Variants in CCDC178 observed in about 807,000 individuals in gnomAD.
CCDC178 encodes coiled-coil domain-containing protein 178.
CCDC178 carries 126 observed loss-of-function variants against 117.4 expected under a neutral mutation model. The ratio of observed to expected loss-of-function variants is 1.07; its 90% CI spans 0.93 to 1.24. The LOEUF is 1.24. Among genes scored for constraint, CCDC178 ranks in the 50% most tolerant of loss-of-function variants. CCDC178 has a pLI of 0.00. For missense variants in CCDC178, 1,030 were observed against 986.9 expected (o/e 1.04, Z -0.59); for synonymous variants, 283 against 313.4 (o/e 0.90, Z 1.02).
intron 21 of CCDC178, among the ~76,000 whole-genome samples, chr18:33,001,618 G>C (rs1044747834): frequency 6.6e-6 from 1 of 152,108 alleles, no homozygotes. Flanking sequence ...AAGTGAGGAA[G>C]AGAAGACCAC....
chr18:33,055,905 G>A (rs73415499), intron 21 of CCDC178, among the ~76,000 whole-genome samples: 5,373 of 151,834 alleles, frequency 0.035, 319 homozygotes, highest in African/African-American at 0.12. Flanking sequence ...CTGGGTTCAA[G>A]TGATTCTCGT....
intron 12 of CCDC178, among the ~76,000 whole-genome samples, chr18:33,274,211 G>A (rs556611182): frequency 6.7e-4 from 102 of 151,792 alleles, no homozygotes; most frequent in Middle Eastern, 3.4e-3. Context: ...CACTAAGGAT[G>A]GCTTTATTTA....
chr18:33,177,178 G>A (rs575875578), intron 20 of CCDC178, among the ~76,000 whole-genome samples: 23 of 152,034 alleles, frequency 1.5e-4, no homozygotes, highest in Middle Eastern at 3.4e-3. Context: ...ACACAGGGAG[G>A]GGAACATCAC....
chr18:33,391,660 A>T (rs181288666), intron 4 of CCDC178, among the ~76,000 whole-genome samples: 1 of 152,298 alleles, frequency 6.6e-6, no homozygotes, highest in African/African-American at 2.4e-5. Context: ...TTTCCAAATA[A>T]CAAATGTGTC....
At chr18:33,371,936 T>A (rs1029913630) in intron 5 of CCDC178, among the ~76,000 whole-genome samples, 1 of 152,044 alleles carries the variant, frequency 6.6e-6, no homozygotes, top group South Asian at 2.1e-4. Context: ...AAGGTTTTGA[T>A]ACACATTTAA....
chr18:33,306,412 TTGTGTGTGTGTGTG>T (rs71159815), intron 11 of CCDC178, among the ~76,000 whole-genome samples: 3 of 126,252 alleles, frequency 2.4e-5, no homozygotes, highest in South Asian at 2.6e-4. Flanking sequence ...TATTGGATCT[TTGTGTGTGTGTGTG>T]TGTGTGTGTG....
chr18:33,165,413 G>C (rs1469903324), intron 20 of CCDC178, among the ~76,000 whole-genome samples: 2 of 152,096 alleles, frequency 1.3e-5, no homozygotes, highest in African/African-American at 4.8e-5. Context: ...GGATTCAGGA[G>C]GATGTGTGTA....
intron 20 of CCDC178, among the ~76,000 whole-genome samples, chr18:33,189,362 C>T (rs1184161352): frequency 1.3e-5 from 2 of 152,070 alleles, no homozygotes; most frequent in Non-Finnish European, 1.5e-5. Flanking sequence ...GAAACAAGAA[C>T]AATTGCAATT....
At chr18:33,027,618 T>A (rs1185660045) in intron 21 of CCDC178, among the ~76,000 whole-genome samples, 2 of 151,714 alleles carry the variant, frequency 1.3e-5, no homozygotes, top group African/African-American at 4.8e-5. Context: ...TAAATTTTAC[T>A]AGAGATTAAC....
rs894777739 is a variant in CCDC178, at chr18:33,405,685, T to C, written c.58+6346A>G. Among the ~76,000 whole-genome samples the C allele has an allele frequency of 1.4e-4, 21 of 152,168 alleles. No individual in the cohort carries two copies. In the East Asian group the frequency reaches 2.3e-3, roughly 17 times the overall value. ...GAAAGAATATATTTCCTGGGATCCC[T>C]TTCTGAATCCACTAGAAAGTAGATG... is the stretch of plus-strand genomic sequence containing the variant. On this transcript the variant is annotated intron_variant, in intron 3 of 22. Coordinates refer to ENST00000383096, the MANE Select transcript of CCDC178 (RefSeq NM_001105528.4).
intron 21 of CCDC178, among the ~76,000 whole-genome samples, chr18:32,995,982 C>T (rs550209351): frequency 6.6e-6 from 1 of 150,584 alleles, no homozygotes; most frequent in African/African-American, 2.4e-5. Context: ...TATATTAAGA[C>T]ACACACACAC....
chr18:32,952,755 G>A (rs2054515288), intron 22 of CCDC178, among the ~76,000 whole-genome samples: 1 of 151,496 alleles, frequency 6.6e-6, no homozygotes, highest in Admixed American at 6.6e-5. Context: ...ACATTGTCAG[G>A]CTGCAAATTT....
chr18:33,316,196 C>A (rs9948910), intron 11 of CCDC178, among the ~76,000 whole-genome samples: 51 of 152,336 alleles, frequency 3.3e-4, no homozygotes, highest in African/African-American at 1.2e-3. Flanking sequence ...AAGGCCGGAG[C>A]CAGCTCCCTC....
At chr18:33,013,252 A>T (rs1307357403) in intron 21 of CCDC178, among the ~76,000 whole-genome samples, 1 of 152,164 alleles carries the variant, frequency 6.6e-6, no homozygotes, top group African/African-American at 2.4e-5. Flanking sequence ...GCTTCTCTCC[A>T]GTAACTAACT....
chr18:33,206,035 AAC>A (rs2059041477), intron 20 of CCDC178, among the ~76,000 whole-genome samples: 1 of 152,202 alleles, frequency 6.6e-6, no homozygotes, highest in South Asian at 2.1e-4. Flanking sequence ...CATAAATTTA[AAC>A]AACAGCTGAC....
intron 20 of CCDC178, among the ~76,000 whole-genome samples, chr18:33,143,078 T>C (rs781072181): frequency 1.3e-5 from 2 of 152,056 alleles, no homozygotes; most frequent in Non-Finnish European, 2.9e-5. Context: ...GTATTAAGAT[T>C]AGAGAAAAGA....
intron 21 of CCDC178, among the ~76,000 whole-genome samples, chr18:33,036,976 G>A (rs534446797): frequency 2.0e-4 from 30 of 151,952 alleles, no homozygotes; most frequent in East Asian, 7.8e-4. Context: ...TTCTTTTTGC[G>A]TGAAAGAAGG....
At chr18:33,216,787 A>AT (rs1343236192) in intron 18 of CCDC178, among the ~76,000 whole-genome samples, 1 of 151,728 alleles carries the variant, frequency 6.6e-6, no homozygotes, top group Admixed American at 6.6e-5. Flanking sequence ...AAATAAAAGG[A>AT]TTTTTTCTCC....
rs193194047 is a variant in CCDC178, at chr18:33,040,287, G to C, written c.2388+52474C>G. The stretch of plus-strand genomic sequence containing the variant: ...TACATATGCATATATATAAAACTAA[G>C]GGTATACAGGACAAAAGTGAGGAGA... On this transcript the variant is annotated intron_variant, in intron 21 of 22. Transcript: ENST00000383096. Among the ~76,000 whole-genome samples, 14 of 151,886 alleles carry C rather than the reference G, an allele frequency of 9.2e-5. No homozygotes were observed. The East Asian group carries it at 2.3e-3, about 25-fold the overall frequency.
Sources: allele counts gnomAD v4.1 joint callset (sites outside exome capture counted in the v4.1 genomes callset), GRCh38; gene constraint gnomAD v4.1.1; transcripts MANE v1.5; gene names NCBI Gene and HGNC (gene_info 2026-07-23, HGNC 2026-07-21).